Variants in SMTN observed in about 807,000 individuals in gnomAD.
SMTN encodes smoothelin.
SMTN carries 58 observed loss-of-function variants against 102.0 expected under a neutral mutation model. The observed-to-expected ratio is 0.57, with a 90% CI of 0.46 to 0.71. The LOEUF (loss-of-function observed/expected upper bound fraction) is 0.71, where lower values mean the gene tolerates loss of function less well. Among genes scored for constraint, SMTN ranks in the 30% least tolerant of loss-of-function variants. SMTN has a pLI of 0.00. For synonymous variants in SMTN, 478 were observed against 497.9 expected (o/e 0.96, Z 0.53); for missense variants, 1,185 against 1,241.7 (o/e 0.95, Z 0.69).
intron 1 of SMTN, among the ~76,000 whole-genome samples, chr22:31,081,679 A>G (rs2042318631): frequency 6.6e-6 from 1 of 152,216 alleles, no homozygotes; most frequent in Non-Finnish European, 1.5e-5. Flanking sequence ...TGGCGGCAGA[A>G]ACCCTGGGGA....
At chr22:31,069,232 T>A (rs1309339632) in intron 1 of SMTN, among the ~76,000 whole-genome samples, 1 of 152,028 alleles carries the variant, frequency 6.6e-6, no homozygotes, top group Non-Finnish European at 1.5e-5. Context: ...TGGTGGTAAC[T>A]AGGGCGCTCT....
intron 11 of SMTN, 76 bp downstream of exon 11, chr22:31,091,923 G>GAGGAACCCTGCTA: frequency 7.5e-7 from 1 of 1,340,722 alleles, no homozygotes; most frequent in Non-Finnish European, 1.0e-6. Context: ...AGGGCTAGCA[G>GAGGAACCCTGCTA]GGTTCCTCTG....
At position 31,067,244 on chromosome 22, in the gene SMTN, GT is replaced by G. The variant is rs59924505; in HGVS notation, c.-386+3071del. On this transcript the variant is annotated intron_variant, in intron 1 of 3. Transcript: ENST00000422839. Reference sequence around the variant, plus strand: ...GGCACACACCACCATGACCAGAAAGGTTTTTTTTTTTTTTGACACGGAGTCT... The same window carrying G: ...GGCACACACCACCATGACCAGAAAGGTTTTTTTTTTTTTGACACGGAGTCT... The G allele has an allele frequency of 7.4e-3, 1,008 of 136,716 alleles. 14 individuals are homozygous for G. The highest frequency in any genetic ancestry group is 0.021 in the African/African-American group (777 of 37,644). 8.5% of individuals were successfully genotyped at this position (136,716 alleles called of 1,614,324 possible). A position where few individuals can be genotyped will look rare whatever the true frequency, so the allele number is the denominator to read the frequency against.
chr22:31,072,589 G>C (rs980710983), intron 1 of SMTN, among the ~76,000 whole-genome samples: 2 of 152,048 alleles, frequency 1.3e-5, no homozygotes, highest in African/African-American at 4.8e-5. Context: ...AGCCTCCCAA[G>C]TAGCTGGGAT....
intron 6 of SMTN, among the ~76,000 whole-genome samples, 190 bp downstream of exon 6, chr22:31,089,159 C>G (rs542649005): frequency 1.3e-5 from 2 of 152,320 alleles, no homozygotes; most frequent in African/African-American, 4.8e-5. Context: ...TGCTTCAACC[C>G]GTCCCAGGGC....
At chr22:31,071,195 G>T (rs1292900259) in intron 1 of SMTN, among the ~76,000 whole-genome samples, 1 of 149,978 alleles carries the variant, frequency 6.7e-6, no homozygotes, top group African/African-American at 2.5e-5. Flanking sequence ...AGCCATGATT[G>T]CGCCACTGCA....
intron 18 of SMTN, 75 bp downstream of exon 18, chr22:31,099,254 C>T (rs79686092): frequency 1.1e-6 from 1 of 937,668 alleles, no homozygotes; most frequent in Admixed American, 2.1e-5. Context: ...AGCAGAGCTC[C>T]TATTACCCAG....
At chr22:31,084,852 G>A in intron 2 of SMTN, 1 of 773,004 alleles carries the variant, frequency 1.3e-6, no homozygotes, top group Non-Finnish European at 1.9e-6. Flanking sequence ...CCAGCACCCG[G>A]CGCCCGCCAT....
chr22:31,095,528 A>T lies in SMTN; in HGVS notation c.1786-6A>T, dbSNP rs774573652. On this transcript the variant is annotated splice_polypyrimidine_tract_variant and splice_region_variant and intron_variant, in intron 12 of 20. Coordinates refer to ENST00000333137, the MANE Select transcript of SMTN (RefSeq NM_134269.3). This position sits in a 1 kb window ranked among gnomAD's most constrained non-coding sequence, Gnocchi z 4.1. ...CCAGGTAGGCAATGATGGGCTCTAT[A>T]TGCAGCTGGATCAGAGCACGGACTT... The T allele has an allele frequency of 1.6e-5, 26 of 1,614,072 alleles. No individual in the cohort carries two copies. Among genetic ancestry groups the T allele is most frequent in the Non-Finnish European group, 1.3e-5 (15 of 1,180,018 alleles).
At position 31,090,145 on chromosome 22, in the gene SMTN, G is replaced by C; in HGVS notation, c.830G>C (p.Ser277Thr). ...SGPKETPAAQ[S>T]PTRGPSDTKR... is the part of the protein sequence containing the mutation. ...CCCAAAGAGACCCCTGCTGCCCAGAGCCCCACCAGAGGCCCCTCTGACACC... is the reference window on the plus strand; with the variant it reads ...CCCAAAGAGACCCCTGCTGCCCAGACCCCCACCAGAGGCCCCTCTGACACC... Residue 277 changes from serine (S) to threonine (T), a missense_variant, in exon 8 of 21, where the codon AGC (serine) becomes ACC (threonine). Ser to Thr is a moderately conservative substitution (Grantham distance 58). Coordinates refer to ENST00000333137, the MANE Select transcript of SMTN (RefSeq NM_134269.3). The C allele has an allele frequency of 1.2e-5, 19 of 1,612,656 alleles. No homozygotes were observed. The highest frequency in any genetic ancestry group is 1.6e-5 in the Non-Finnish European group (19 of 1,179,312).
upstream of SMTN, among the ~76,000 whole-genome samples, chr22:31,080,208 C>T (rs981403713): frequency 2.0e-5 from 3 of 151,978 alleles, no homozygotes; most frequent in African/African-American, 4.8e-5. Flanking sequence ...GGACCTGAAC[C>T]GGGGCTCTTC....
At chr22:31,084,984 G>T in intron 2 of SMTN, 2 of 1,465,350 alleles carry the variant, frequency 1.4e-6, no homozygotes, top group South Asian at 1.3e-5. Context: ...CGCTCCGCCC[G>T]CCCTGCGCCC....
chr22:31,080,869 G>C (rs933886431), upstream of SMTN: 4 of 152,278 alleles, frequency 2.6e-5, no homozygotes, highest in African/African-American at 9.7e-5. Flanking sequence ...GCTCTGAGGT[G>C]GCTCAGACCA....
At chr22:31,096,035 T>G in intron 13 of SMTN, 2 of 266,592 alleles carry the variant, frequency 7.5e-6, no homozygotes, top group Non-Finnish European at 7.3e-6. Context: ...ACACAACTAC[T>G]TCCTCCCCCA....
chr22:31,079,684 G>C (rs5997868), upstream of SMTN, among the ~76,000 whole-genome samples: 2,070 of 152,364 alleles, frequency 0.014, 57 homozygotes, highest in African/African-American at 0.048. Flanking sequence ...CTAGGACCTT[G>C]AAATATGTCC....
At position 31,082,967 on chromosome 22, in the gene SMTN, C is replaced by T. The variant is rs2042409012; in HGVS notation, c.-80-212C>T. On this transcript the variant is annotated intron_variant, in intron 1 of 20. Coordinates refer to ENST00000333137, the MANE Select transcript of SMTN (RefSeq NM_134269.3). Reference sequence around the variant, plus strand: ...CACAGCAGACTGGCGGCCAAGCTGGCAGGGCTGGAACCAGAGACCCCCTAC... The same window carrying T: ...CACAGCAGACTGGCGGCCAAGCTGGTAGGGCTGGAACCAGAGACCCCCTAC... 24 of 1,477,380 alleles carry T rather than the reference C, an allele frequency of 1.6e-5. No individual in the cohort carries two copies. The East Asian group carries it at 5.2e-4, about 32-fold the overall frequency. 91.5% of individuals were successfully genotyped at this position (1,477,380 alleles called of 1,614,324 possible).
intron 20 of SMTN, chr22:31,102,449 A>C (rs1215252733): frequency 6.6e-6 from 1 of 152,322 alleles, no homozygotes; most frequent in African/African-American, 2.4e-5. Context: ...GTAGGGGCAC[A>C]CTCAGATGCC....
At position 31,091,831 on chromosome 22, in the gene SMTN, G is replaced by C; in HGVS notation, c.1616G>C (p.Gly539Ala). 1.9e-6 allele frequency: 3 copies of C among 1,594,144 alleles called. No individual in the cohort carries two copies. Among genetic ancestry groups the C allele is most frequent in the Non-Finnish European group, 2.6e-6 (3 of 1,169,102 alleles). The change falls in exon 11 of 21, where the codon GGA becomes GCA. Residue 539 changes from glycine to alanine, a missense_variant. Coordinates refer to ENST00000333137, the MANE Select transcript of SMTN (RefSeq NM_134269.3). ...SFSHAPPSSR[G>A]GCSIKMEAEP... is the part of the protein sequence containing the mutation. ...AGCCATGCCCCCCCCAGTAGCCGAG[G>C]AGGCTGCAGCATCAAGGTGAGCCCC...
At chr22:31,087,891 C>A in intron 2 of SMTN, 74 bp from the exon 3 acceptor site, 6 of 1,470,516 alleles carry the variant, frequency 4.1e-6, no homozygotes, top group South Asian at 1.3e-5. Context: ...GTGCCCTAGG[C>A]AGAGCCGTGG....
Sources: gnomAD v4.1 joint callset for allele counts (sites outside exome capture counted in the v4.1 genomes callset) on GRCh38, gnomAD v4.1.1 for gene constraint, Gnocchi (gnomAD v3.1) non-coding constraint, MANE v1.5 for transcripts, NCBI Gene and HGNC (gene_info 2026-07-23, HGNC 2026-07-21) for gene names.